RAP1GDS1: variants seen among roughly 807,000 people sequenced by gnomAD.
RAP1GDS1 encodes the protein RAP1, GTP-GDP dissociation stimulator 1.
A neutral mutation model predicts 71.1 loss-of-function variants in RAP1GDS1; 35 were observed. That is an observed-to-expected ratio of 0.49 (90% CI 0.38 to 0.65). The LOEUF (loss-of-function observed/expected upper bound fraction) is 0.65, where lower values mean the gene tolerates loss of function less well. Among genes scored for constraint, RAP1GDS1 ranks in the 30% least tolerant of loss-of-function variants. The pLI is 0.00. For synonymous variants in RAP1GDS1, 229 were observed against 243.1 expected, an observed-to-expected ratio of 0.94 and a Z score of 0.54; for missense variants, 663 against 706.1, an observed-to-expected ratio of 0.94 and a Z score of 0.69.
rs189058326 is a variant in RAP1GDS1 at position 98,418,613 on chromosome 4, G to A, written c.1040-44G>A. ...ACATCAGTATTATAAAGTATTTATA[G>A]ATATTTTAAAGAGGAAGAAAAAGAT... On this transcript the variant is annotated intron_variant, in intron 9 of 14. Coordinates refer to ENST00000408927, the MANE Select transcript of RAP1GDS1 (RefSeq NM_001100427.2). The A allele has an allele frequency of 1.4e-4, 220 of 1,526,640 alleles. 1 individual carries two copies. In the African/African-American group the frequency reaches 2.6e-3, roughly 18 times the overall value. 94.6% of individuals were successfully genotyped at this position (1,526,640 alleles called of 1,614,324 possible).
chr4:98,345,433 A>G (rs1166676644), intron 3 of RAP1GDS1, among the ~76,000 whole-genome samples: 1 of 152,208 alleles, frequency 6.6e-6, no homozygotes, highest in African/African-American at 2.4e-5. Flanking sequence ...GATTTGTAAG[A>G]AGTTCCGTGG....
intron 2 of RAP1GDS1, 97 bp downstream of exon 2, chr4:98,293,612 A>C (rs1031167403): frequency 2.2e-5 from 18 of 825,334 alleles, no homozygotes; most frequent in Non-Finnish European, 3.1e-5. Flanking sequence ...CTTTGTATTC[A>C]TATAACTTGA....
At chr4:98,414,701 T>C (rs1275202746) in intron 7 of RAP1GDS1, among the ~76,000 whole-genome samples, 1 of 151,714 alleles carries the variant, frequency 6.6e-6, no homozygotes, top group African/African-American at 2.4e-5. Flanking sequence ...CGATGCGGGC[T>C]CTTTCTTGGT....
At chr4:98,343,284 T>C (rs1483108040) in intron 3 of RAP1GDS1, 23 bp downstream of exon 3, 1 of 1,571,812 alleles carries the variant, frequency 6.4e-7, no homozygotes. Flanking sequence ...TCAAGAACTT[T>C]TCTGCTGGGA....
chr4:98,425,517 G>T (rs187482108), intron 12 of RAP1GDS1, among the ~76,000 whole-genome samples: 1 of 152,112 alleles, frequency 6.6e-6, no homozygotes, highest in Non-Finnish European at 1.5e-5. Flanking sequence ...ACTCACTTAA[G>T]GTAGAGGGGT....
chr4:98,392,214 C>CCAT, intron 6 of RAP1GDS1, 134 bp downstream of exon 6: 1 of 849,914 alleles, frequency 1.2e-6, no homozygotes, highest in South Asian at 2.5e-5. Flanking sequence ...TGAGATATTT[C>CCAT]CATCAATATT....
chr4:98,311,441 C>G (rs1730209495), intron 2 of RAP1GDS1, among the ~76,000 whole-genome samples: 1 of 152,000 alleles, frequency 6.6e-6, no homozygotes, highest in Non-Finnish European at 1.5e-5. Flanking sequence ...TTGTCATTTC[C>G]AAGACAACAG....
chr4:98,378,002 G>A (rs1741420268), intron 4 of RAP1GDS1, among the ~76,000 whole-genome samples: 1 of 151,642 alleles, frequency 6.6e-6, no homozygotes, highest in African/African-American at 2.4e-5. Flanking sequence ...TTATTGATTT[G>A]CATATCAGAG....
rs552469489 is a variant in RAP1GDS1 at position 98,341,780 on chromosome 4, G to A, written c.113-1359G>A. 2.6e-5 allele frequency among the ~76,000 whole-genome samples: 4 copies of A among 151,998 alleles called. No individual in the cohort carries two copies. In the East Asian group the frequency reaches 7.7e-4, roughly 29 times the overall value. ...CCTTAAAAACTTACTTTTTAGTCCA[G>A]TAAAATAAACTGGAGTGTTATCATT... On this transcript the variant is annotated intron_variant, in intron 2 of 14. Coordinates refer to ENST00000408927, the MANE Select transcript of RAP1GDS1 (RefSeq NM_001100427.2).
At chr4:98,401,113 T>G (rs1172723215) in intron 6 of RAP1GDS1, among the ~76,000 whole-genome samples, 2 of 152,202 alleles carry the variant, frequency 1.3e-5, no homozygotes, top group African/African-American at 4.8e-5. Flanking sequence ...CCATGTGGCA[T>G]GCTTTCAAGA....
Position 98,434,001 on chromosome 4 carries a change from A to C in RAP1GDS1, c.1506A>C (p.Glu502Asp), listed in dbSNP as rs934061645. The C allele has an allele frequency of 1.2e-6, 2 of 1,613,540 alleles. No homozygotes were observed. The highest frequency in any genetic ancestry group is 1.7e-6 in the Non-Finnish European group (2 of 1,179,582). ...IKHLVTMATSEHVIMQNEALV... is the reference protein window; with the variant it reads ...IKHLVTMATSDHVIMQNEALV... ...ATCTAGTTACCATGGCAACTAGTGA[A>C]CATGTAATAATGCAGAATGAAGCTC... The change falls in exon 13 of 15, where the codon GAA (glutamate) becomes GAC (aspartate). Residue 502 changes from glutamate to aspartate, a missense_variant. Glu to Asp is a conservative substitution (Grantham distance 45, BLOSUM62 2). Transcript: ENST00000408927.
chr4:98,325,341 A>C (rs1732833390), intron 2 of RAP1GDS1, among the ~76,000 whole-genome samples: 1 of 151,322 alleles, frequency 6.6e-6, no homozygotes, highest in African/African-American at 2.4e-5. Context: ...AAACTAGGTC[A>C]ACCATTGTGG....
intron 4 of RAP1GDS1, among the ~76,000 whole-genome samples, chr4:98,378,747 A>G (rs1004200069): frequency 9.9e-5 from 15 of 151,928 alleles, no homozygotes; most frequent in Non-Finnish European, 1.9e-4. Flanking sequence ...GTAAACTTCT[A>G]GGACACAGGG....
intron 7 of RAP1GDS1, chr4:98,409,388 C>A: frequency 6.5e-6 from 1 of 153,574 alleles, no homozygotes; most frequent in Non-Finnish European, 1.5e-5. Context: ...TTCAAATCTA[C>A]AGGAAAGGTG....
intron 2 of RAP1GDS1, chr4:98,296,869 T>C: frequency 5.4e-6 from 2 of 372,250 alleles, no homozygotes; most frequent in Non-Finnish European, 1.0e-5. Flanking sequence ...CAAGAAAAAT[T>C]AACATTCTAT....
chr4:98,376,850 G>A (rs1312076437), intron 4 of RAP1GDS1, among the ~76,000 whole-genome samples: 2 of 151,982 alleles, frequency 1.3e-5, no homozygotes, highest in African/African-American at 4.8e-5. Flanking sequence ...GAGGAGGGGG[G>A]TGGAAGGAGA....
At chr4:98,376,918 G>A (rs1741261339) in intron 4 of RAP1GDS1, among the ~76,000 whole-genome samples, 2 of 151,904 alleles carry the variant, frequency 1.3e-5, no homozygotes. Flanking sequence ...GCTTTTAATT[G>A]TATTGTGTTT....
chr4:98,341,149 A>G (rs1419159148), intron 2 of RAP1GDS1, among the ~76,000 whole-genome samples: 2 of 152,208 alleles, frequency 1.3e-5, no homozygotes, highest in Non-Finnish European at 2.9e-5. Flanking sequence ...CCAGACGTTT[A>G]CATTCTAAAC....
chr4:98,439,553 G>A (rs1178148141), intron 14 of RAP1GDS1, among the ~76,000 whole-genome samples: 1 of 152,120 alleles, frequency 6.6e-6, no homozygotes, highest in East Asian at 1.9e-4. Context: ...ACTAATGTGA[G>A]ATCTTTAATT....
Sources: gnomAD v4.1 joint callset for allele counts (sites outside exome capture counted in the v4.1 genomes callset) on GRCh38, gnomAD v4.1.1 for gene constraint, MANE v1.5 for transcripts, NCBI Gene and HGNC (gene_info 2026-07-23, HGNC 2026-07-21) for gene names.